Variants in LONRF2 observed in about 807,000 individuals in gnomAD.
The protein encoded by LONRF2 is LON peptidase N-terminal domain and ring finger 2, also known as LON peptidase N-terminal domain and RING finger protein 2.
Under a neutral mutation model 66.6 loss-of-function variants are expected in LONRF2, and 35 were observed. The observed-to-expected ratio is 0.53, with a 90% CI of 0.40 to 0.70. The LOEUF is 0.70. LONRF2 is among the 30% of genes least tolerant of loss of function. LONRF2 has a pLI of 0.00. For missense variants in LONRF2, 902 were observed against 1,002.1 expected (o/e 0.90, Z 1.35); for synonymous variants, 417 against 418.1 (o/e 1.00, Z 0.03).
chr2:100,299,074 C>G, intron 6 of LONRF2, 124 bp from the exon 7 acceptor site: 2 of 874,976 alleles, frequency 2.3e-6, no homozygotes, highest in Non-Finnish European at 3.6e-6. Flanking sequence ...CATGCACTTT[C>G]ATTTTATATC....
chr2:100,287,086 C>T (rs761201776), intron 10 of LONRF2, 23 bp from the exon 11 acceptor site: 2 of 1,610,278 alleles, frequency 1.2e-6, no homozygotes, highest in Non-Finnish European at 8.5e-7. Flanking sequence ...AGAGGCACAG[C>T]TGTGTGAACC....
At chr2:100,297,594 C>A (rs1182808388) in intron 7 of LONRF2, among the ~76,000 whole-genome samples, 3 of 152,160 alleles carry the variant, frequency 2.0e-5, no homozygotes, top group African/African-American at 7.2e-5. Flanking sequence ...CCTGTTCTGG[C>A]CCAGGCAGGC....
intron 10 of LONRF2, among the ~76,000 whole-genome samples, chr2:100,287,678 C>T (rs1016053341): frequency 7.2e-5 from 11 of 152,236 alleles, no homozygotes; most frequent in Non-Finnish European, 1.5e-4. Context: ...ACTGACCAAG[C>T]TTGGCCTCTG....
chr2:100,298,764 C>G, intron 7 of LONRF2, 72 bp downstream of exon 7: 3 of 1,114,492 alleles, frequency 2.7e-6, no homozygotes, highest in Non-Finnish European at 2.7e-6. Flanking sequence ...GGAAGCAACA[C>G]GAGACAGGGA....
rs1468206719 is a variant in LONRF2, at chr2:100,273,433, T to C, written c.*10865A>G. 6.6e-6 allele frequency: 1 copy of C among 152,248 alleles called. No homozygotes were observed. The highest frequency in any genetic ancestry group is 6.5e-5 in the Admixed American group (1 of 15,286). 9.4% of individuals were successfully genotyped at this position (152,248 alleles called of 1,614,324 possible). On this transcript the variant is annotated 3_prime_UTR_variant, in exon 12 of 12. Coordinates refer to ENST00000393437, the MANE Select transcript of LONRF2 (RefSeq NM_198461.4). ...CTAGCCTATTACTTAGGTGTGATTA[T>C]TTATTAAAGAACATTTACAACACTG...
At chr2:100,295,683 A>G in intron 7 of LONRF2, 130 bp from the exon 8 acceptor site, 2 of 854,518 alleles carry the variant, frequency 2.3e-6, no homozygotes, top group Non-Finnish European at 3.5e-6. Flanking sequence ...AGGGATGGAG[A>G]GAGAGGCGGG....
At position 100,279,539 on chromosome 2, in the gene LONRF2, A is replaced by C. The variant is rs1461359163; in HGVS notation, c.*4759T>G. On this transcript the variant is annotated 3_prime_UTR_variant, in exon 12 of 12. Coordinates refer to ENST00000393437, the MANE Select transcript of LONRF2 (RefSeq NM_198461.4). The stretch of plus-strand genomic sequence containing the variant: ...TGACCTTAGTATGTCAAAACAGCAG[A>C]GGACCAATTGTATTAATCATGATTT... 1 of 152,180 alleles carries C rather than the reference A, an allele frequency of 6.6e-6. No homozygotes were observed. Among genetic ancestry groups the C allele is most frequent in the African/African-American group, 2.4e-5 (1 of 41,448 alleles). 9.4% of individuals were successfully genotyped at this position (152,180 alleles called of 1,614,324 possible).
intron 2 of LONRF2, among the ~76,000 whole-genome samples, chr2:100,303,990 G>A (rs886655444): frequency 4.6e-5 from 7 of 151,124 alleles, no homozygotes; most frequent in South Asian, 2.1e-4. Context: ...GATTCTTTTT[G>A]TTTTTCTTTA....
At chr2:100,309,829 C>T (rs932441856) in intron 1 of LONRF2, among the ~76,000 whole-genome samples, 5 of 152,174 alleles carry the variant, frequency 3.3e-5, no homozygotes, top group South Asian at 2.1e-4. Flanking sequence ...TGTGCCACCA[C>T]GCCCGGCTAA....
intron 9 of LONRF2, among the ~76,000 whole-genome samples, chr2:100,290,877 G>T (rs551518066): frequency 6.6e-6 from 1 of 152,142 alleles, no homozygotes; most frequent in South Asian, 2.1e-4. Context: ...ATGCTACCAC[G>T]TGCCAAGCAA....
intron 9 of LONRF2, among the ~76,000 whole-genome samples, chr2:100,291,153 A>G (rs1444375538): frequency 6.6e-6 from 1 of 151,424 alleles, no homozygotes; most frequent in African/African-American, 2.4e-5. Flanking sequence ...AAGAGACACA[A>G]AAGTGTGTAG....
In LONRF2 at chr2:100,299,342, C is replaced by T. The variant is rs772624880; in HGVS notation, c.1268-23G>A. On this transcript the variant is annotated intron_variant, in intron 5 of 11. Coordinates refer to ENST00000393437, the MANE Select transcript of LONRF2 (RefSeq NM_198461.4). Reference sequence around the variant, plus strand: ...GATCTGAATGCGAAAAAATTTAAAACGCTGTAATTAACACCTAAGCACCTG... The same window carrying T: ...GATCTGAATGCGAAAAAATTTAAAATGCTGTAATTAACACCTAAGCACCTG... 1.4e-5 allele frequency: 20 copies of T among 1,444,484 alleles called. 1 individual carries two copies. The highest frequency in any genetic ancestry group is 1.2e-4 in the South Asian group (9 of 77,816). 89.5% of individuals were successfully genotyped at this position (1,444,484 alleles called of 1,614,324 possible).
intron 2 of LONRF2, among the ~76,000 whole-genome samples, chr2:100,304,790 A>ATTTTC (rs542021239): frequency 8.8e-6 from 1 of 113,228 alleles, no homozygotes; most frequent in Admixed American, 9.9e-5. Context: ...TGCCTGGCTA[A>ATTTTC]TTTTTTTTTT....
intron 2 of LONRF2, among the ~76,000 whole-genome samples, chr2:100,306,102 C>T (rs1007249118): frequency 2.0e-5 from 3 of 147,948 alleles, no homozygotes; most frequent in East Asian, 2.0e-4. Context: ...TTAGTAGAGG[C>T]GGGGTTTCAC....
In LONRF2 at chr2:100,281,818, A is replaced by C. The variant is rs1249618611; in HGVS notation, c.*2480T>G. 2.6e-5 allele frequency: 4 copies of C among 152,306 alleles called. No homozygotes were observed. Among genetic ancestry groups the C allele is most frequent in the South Asian group, 2.1e-4 (1 of 4,820 alleles). 9.4% of individuals were successfully genotyped at this position (152,306 alleles called of 1,614,324 possible). On this transcript the variant is annotated 3_prime_UTR_variant, in exon 12 of 12. Transcript: ENST00000393437. ...ATCTCCCCAACAGAAAAGAGGCAGAAGGGGGCAGGCGGAGGAGGAAGCAGA... is the reference window on the plus strand; with the variant it reads ...ATCTCCCCAACAGAAAAGAGGCAGACGGGGGCAGGCGGAGGAGGAAGCAGA...
rs1396721598 is a variant in LONRF2, at chr2:100,272,269, T to G, written c.*12029A>C. ...AATCTCACACTTTGGGAGGCCAAGG[T>G]GGGAGAACTGCTTGAGCCCAGGAAT... is the stretch of plus-strand genomic sequence containing the variant. On this transcript the variant is annotated 3_prime_UTR_variant, in exon 12 of 12. Transcript: ENST00000393437. Among the ~76,000 whole-genome samples, 4 of 152,084 alleles carry G rather than the reference T, an allele frequency of 2.6e-5. No homozygotes were observed. The highest frequency in any genetic ancestry group is 4.4e-5 in the Non-Finnish European group (3 of 68,012).
Position 100,298,920 on chromosome 2 carries a change from A to T in LONRF2, c.1392T>A (p.Cys464Ter). 1 of 1,614,116 alleles carries T rather than the reference A, an allele frequency of 6.2e-7. No individual in the cohort carries two copies. Among genetic ancestry groups the T allele is most frequent in the Non-Finnish European group, 8.5e-7 (1 of 1,179,948 alleles). ...GGCATTTTAGGCAAAATGTGTGTCCACAGGGCGTAGTGACAGGTTCAAAGA... is the reference window on the plus strand; with the variant it reads ...GGCATTTTAGGCAAAATGTGTGTCCTCAGGGCGTAGTGACAGGTTCAAAGA... ...RLLFEPVTTP[C>*]GHTFCLKCLE... is the part of the protein sequence containing the mutation. Residue 464 changes from cysteine to a stop codon, truncating the protein, a stop_gained, in exon 7 of 12, where the codon TGT (cysteine) becomes TGA (stop). Transcript: ENST00000393437. LOFTEE classifies it high-confidence loss of function.
At chr2:100,312,747 AG>A (rs1330483722) in intron 1 of LONRF2, among the ~76,000 whole-genome samples, 1 of 152,216 alleles carries the variant, frequency 6.6e-6, no homozygotes, top group Non-Finnish European at 1.5e-5. Context: ...TACATTTGTG[AG>A]GACAGCACTT....
chr2:100,287,242 T>C (rs192893135), intron 10 of LONRF2, among the ~76,000 whole-genome samples, 179 bp from the exon 11 acceptor site: 1 of 152,230 alleles, frequency 6.6e-6, no homozygotes, highest in Non-Finnish European at 1.5e-5. Flanking sequence ...ATAGTTGAAA[T>C]CTATCAATTG....
Sources: gnomAD v4.1 joint callset for allele counts (sites outside exome capture counted in the v4.1 genomes callset) on GRCh38, gnomAD v4.1.1 for gene constraint, MANE v1.5 for transcripts, NCBI Gene and HGNC (gene_info 2026-07-23, HGNC 2026-07-21) for gene names.